EXTL3: variants seen among roughly 807,000 people sequenced by gnomAD.
EXTL3 encodes the protein exostosin like glycosyltransferase 3, also known as exostosin-like 3.
A neutral mutation model predicts 69.3 loss-of-function variants in EXTL3; 27 were observed. The ratio of observed to expected loss-of-function variants is 0.39; its 90% CI spans 0.29 to 0.54. EXTL3 has a LOEUF of 0.54. Among genes scored for constraint, EXTL3 ranks in the 20% least tolerant of loss-of-function variants. EXTL3 has a pLI of 0.69. For synonymous variants in EXTL3, 511 were observed against 499.4 expected (o/e 1.02, Z -0.31); for missense variants, 1,003 against 1,231.8 (o/e 0.81, Z 2.78).
intron 1 of EXTL3, among the ~76,000 whole-genome samples, chr8:28,684,809 G>A (rs985980031): frequency 3.9e-5 from 6 of 152,038 alleles, no homozygotes; most frequent in African/African-American, 1.2e-4. Flanking sequence ...TTGTAAAAGT[G>A]GTAAATCTTA....
intron 6 of EXTL3, among the ~76,000 whole-genome samples, chr8:28,749,130 G>A (rs1180880299): frequency 6.6e-6 from 1 of 152,158 alleles, no homozygotes; most frequent in Non-Finnish European, 1.5e-5. Context: ...AGATGAGCTT[G>A]AAATGTAAAG....
At chr8:28,633,721 G>A (rs899298915) in intron 1 of EXTL3, among the ~76,000 whole-genome samples, 1 of 151,920 alleles carries the variant, frequency 6.6e-6, no homozygotes, top group Non-Finnish European at 1.5e-5. Flanking sequence ...ACACATTCAC[G>A]CCCTTTTGTT....
At chr8:28,656,932 CT>C (rs374704055) in intron 1 of EXTL3, among the ~76,000 whole-genome samples, 2 of 150,682 alleles carry the variant, frequency 1.3e-5, no homozygotes, top group East Asian at 1.9e-4. Context: ...CTCTCTCTTA[CT>C]TTTTTTTTGT....
chr8:28,684,324 T>C (rs1281360614), intron 1 of EXTL3, among the ~76,000 whole-genome samples: 5 of 152,228 alleles, frequency 3.3e-5, no homozygotes, highest in Admixed American at 2.6e-4. Flanking sequence ...ATATGGTAGT[T>C]CTATTTTTAG....
At chr8:28,655,318 ATAT>A (rs1806990764) in intron 1 of EXTL3, among the ~76,000 whole-genome samples, 1 of 152,096 alleles carries the variant, frequency 6.6e-6, no homozygotes, top group Non-Finnish European at 1.5e-5. Context: ...TGCAAGACAA[ATAT>A]TATTATGCCT....
chr8:28,724,668 C>T (rs185838311), intron 3 of EXTL3, among the ~76,000 whole-genome samples: 59 of 151,680 alleles, frequency 3.9e-4, no homozygotes, highest in Admixed American at 1.1e-3. Flanking sequence ...GGTGCAGTGG[C>T]GGACGCCTGT....
At chr8:28,742,626 C>T in intron 5 of EXTL3, 1 of 246,148 alleles carries the variant, frequency 4.1e-6, no homozygotes, top group East Asian at 1.1e-4. Context: ...CGAGTACTGA[C>T]CAGACTCAAG....
chr8:28,735,110 A>T (rs1234494643), intron 4 of EXTL3, among the ~76,000 whole-genome samples: 4 of 128,690 alleles, frequency 3.1e-5, no homozygotes, highest in Non-Finnish European at 3.2e-5. Flanking sequence ...TTTTTACACG[A>T]TAATAGTAGC....
rs543985178 is a variant in EXTL3 at position 28,751,141 on chromosome 8, C to T, written c.*275C>T. On this transcript the variant is annotated 3_prime_UTR_variant, in exon 7 of 7. Transcript: ENST00000220562. Reference sequence around the variant, plus strand: ...TGTGGCGACTCTGCAGAGTCACTCACACCGTTCGTACGCCCAGGACAGCTG... The same window carrying T: ...TGTGGCGACTCTGCAGAGTCACTCATACCGTTCGTACGCCCAGGACAGCTG... 6.2e-4 allele frequency: 310 copies of T among 498,178 alleles called. 5 individuals are homozygous for T. In the South Asian group the frequency reaches 7.7e-3, roughly 12 times the overall value. The allele number at this position is 498,178 out of a possible 1,614,324, so 30.9% of individuals were successfully genotyped here. A position where few individuals can be genotyped will look rare whatever the true frequency, so the allele number is the denominator to read the frequency against.
At chr8:28,661,992 T>C (rs1004685333) in intron 1 of EXTL3, among the ~76,000 whole-genome samples, 2 of 150,890 alleles carry the variant, frequency 1.3e-5, no homozygotes, top group African/African-American at 2.4e-5. Flanking sequence ...TATAATACAA[T>C]ATAAAATATA....
At chr8:28,736,779 A>C (rs1466677765) in intron 4 of EXTL3, among the ~76,000 whole-genome samples, 1 of 152,228 alleles carries the variant, frequency 6.6e-6, no homozygotes, top group Non-Finnish European at 1.5e-5. Context: ...CTTATTAAAA[A>C]CAAAGCCTTT....
intron 1 of EXTL3, among the ~76,000 whole-genome samples, chr8:28,654,372 T>G (rs913248583): frequency 5.3e-5 from 8 of 152,158 alleles, no homozygotes. Context: ...TTTGTTTGTT[T>G]GTTTGTTTTT....
At chr8:28,637,648 C>T (rs1014389018) in intron 1 of EXTL3, among the ~76,000 whole-genome samples, 1 of 142,318 alleles carries the variant, frequency 7.0e-6, no homozygotes, top group Admixed American at 7.2e-5. Flanking sequence ...AAAAAACAAT[C>T]AATCTGTGGA....
intron 6 of EXTL3, among the ~76,000 whole-genome samples, chr8:28,744,596 C>A (rs1232355798): frequency 6.6e-6 from 1 of 152,176 alleles, no homozygotes; most frequent in East Asian, 1.9e-4. Flanking sequence ...AGCTCAAGAC[C>A]ATCCTGGCTA....
At chr8:28,658,341 AG>A (rs1489976253) in intron 1 of EXTL3, among the ~76,000 whole-genome samples, 1 of 152,180 alleles carries the variant, frequency 6.6e-6, no homozygotes, top group African/African-American at 2.4e-5. Flanking sequence ...CCTCCTGCTC[AG>A]CCCCATCCAC....
At chr8:28,638,725 G>A (rs113324134) in intron 1 of EXTL3, among the ~76,000 whole-genome samples, 3,937 of 152,160 alleles carry the variant, frequency 0.026, 137 homozygotes, top group African/African-American at 0.081. Context: ...TCTGCCTCCC[G>A]GGTTCGAGCG....
intron 1 of EXTL3, among the ~76,000 whole-genome samples, chr8:28,646,631 G>T (rs966036585): frequency 6.6e-6 from 1 of 152,090 alleles, no homozygotes; most frequent in Non-Finnish European, 1.5e-5. Flanking sequence ...TAACTGCTAC[G>T]CACATTCACT....
chr8:28,656,846 G>A (rs1463150860), intron 1 of EXTL3, among the ~76,000 whole-genome samples: 3 of 152,050 alleles, frequency 2.0e-5, no homozygotes, highest in Non-Finnish European at 4.4e-5. Flanking sequence ...AAAATTATTT[G>A]TTGTTTCTGA....
chr8:28,717,846 C>G lies in EXTL3; in HGVS notation c.1787C>G (p.Thr596Ser). 1 of 1,612,328 alleles carries G rather than the reference C, an allele frequency of 6.2e-7. No homozygotes were observed. The highest frequency in any genetic ancestry group is 8.5e-7 in the Non-Finnish European group (1 of 1,178,474). ...SPRYLRNFTLTVTDFYRSWNC... is the reference protein window; with the variant it reads ...SPRYLRNFTLSVTDFYRSWNC... ...AGATACCTCCGCAATTTCACTCTGA[C>G]TGTCACTGACTTTTACCGCAGCTGG... Residue 596 changes from threonine (T) to serine (S), a missense_variant, in exon 3 of 7, where the codon ACT becomes AGT. This residue lies in a region of EXTL3 where 742 missense variants were observed against 815.4 expected (regional missense o/e 0.91). Coordinates refer to ENST00000220562, the MANE Select transcript of EXTL3 (RefSeq NM_001440.4). This position sits in a 1 kb window ranked among gnomAD's most constrained non-coding sequence, Gnocchi z 8.3.
Sources: gnomAD v4.1 joint callset for allele counts (sites outside exome capture counted in the v4.1 genomes callset) on GRCh38, gnomAD v4.1.1 for gene constraint, gnomAD v4.1.1 regional missense constraint, Gnocchi (gnomAD v3.1) non-coding constraint, MANE v1.5 for transcripts, NCBI Gene and HGNC (gene_info 2026-07-23, HGNC 2026-07-21) for gene names.